ASAH1: variants seen among roughly 807,000 people sequenced by gnomAD.
ASAH1 encodes the protein acid ceramidase.
A neutral mutation model predicts 59.5 loss-of-function variants in ASAH1; 70 were observed. The observed-to-expected ratio is 1.18, with a 90% CI of 0.97 to 1.43. The LOEUF is 1.43. Ranked by LOEUF, ASAH1 falls within the 40% of genes most tolerant of loss-of-function variation. ASAH1 has a pLI of 0.00. For missense variants in ASAH1, 660 were observed against 482.5 expected, an observed-to-expected ratio of 1.37 and a Z score of -3.45; for synonymous variants, 213 against 166.5, an observed-to-expected ratio of 1.28 and a Z score of -2.15.
chr8:18,060,284 G>A (rs1316517488), intron 10 of ASAH1: 1 of 154,416 alleles, frequency 6.5e-6, no homozygotes, highest in African/African-American at 2.4e-5. Context: ...GAGCCACCAT[G>A]GCCAGCCACA....
At chr8:18,059,239 A>G in intron 12 of ASAH1, 102 bp downstream of exon 12, 1 of 1,569,028 alleles carries the variant, frequency 6.4e-7, no homozygotes, top group Non-Finnish European at 8.7e-7. Context: ...ACTATGAAAA[A>G]TAGGACGTTT....
At chr8:18,084,407 C>A, upstream of ASAH1, 1 of 1,395,732 alleles carries the variant, frequency 7.2e-7, no homozygotes, top group Non-Finnish European at 9.3e-7. Flanking sequence ...GGAGCTTCAC[C>A]CGTGGCGCCT....
intron 1 of ASAH1, chr8:18,076,257 G>A (rs34107400): frequency 0.1 from 15,840 of 154,420 alleles, 885 homozygotes; most frequent in African/African-American, 0.13. Flanking sequence ...TCTTCCATAT[G>A]AAAATATTCA....
At chr8:18,074,463 T>G (rs1028798144) in intron 2 of ASAH1, among the ~76,000 whole-genome samples, 6 of 152,174 alleles carry the variant, frequency 3.9e-5, no homozygotes, top group African/African-American at 1.4e-4. Context: ...ACAACAACAG[T>G]ACAACGTAAG....
At chr8:18,063,395 C>G (rs1026268148) in intron 6 of ASAH1, 165 bp from the exon 7 acceptor site, 10 of 678,278 alleles carry the variant, frequency 1.5e-5, no homozygotes, top group South Asian at 1.4e-4. Flanking sequence ...CCTCTGCCTC[C>G]CAGGTTCAAG....
rs1071645 is a variant in ASAH1 at position 18,071,302 on chromosome 8, C to T, written c.214G>A (p.Val72Met). 0.48 allele frequency: 743,279 copies of T among 1,553,802 alleles called. 182,271 individuals are homozygous for T. The highest frequency in any genetic ancestry group is 0.61 in the Admixed American group (35,639 of 58,476). ...WHELMLDKAP[V>M]LKVIVNSLKN... ...AAGATTTAAGCATCATAGCATACCA[C>T]TGGTGCCTTGTCAAGCATCAATTCA... Residue 72 changes from valine (V) to methionine (M), a missense_variant and splice_region_variant, in exon 3 of 14, where the codon GTG becomes ATG. Transcript: ENST00000637790.
At chr8:18,076,570 G>A (rs1469769703) in intron 1 of ASAH1, 15 of 152,148 alleles carry the variant, frequency 9.9e-5, no homozygotes, top group Admixed American at 9.8e-4. Flanking sequence ...CCTTTCCTCT[G>A]GAGAACCAGT....
chr8:18,080,313 G>A (rs938470995), intron 1 of ASAH1, among the ~76,000 whole-genome samples: 10 of 152,050 alleles, frequency 6.6e-5, no homozygotes, highest in African/African-American at 2.4e-4. Context: ...TTTCATCTTC[G>A]CACATCTTAT....
chr8:18,058,770 A>G, intron 13 of ASAH1, 65 bp downstream of exon 13: 1 of 1,376,952 alleles, frequency 7.3e-7, no homozygotes, highest in Non-Finnish European at 1.0e-6. Context: ...GATAACAGAG[A>G]AAGATAAAAC....
At position 18,062,243 on chromosome 8, in the gene ASAH1, G is replaced by T. The variant is rs753659692; in HGVS notation, c.648+36C>A. On this transcript the variant is annotated intron_variant, in intron 8 of 13. Transcript: ENST00000637790. ...TTACATAACGGTAACAGGACAGAAG[G>T]CTACCTGTATAATTATGTAACAACA... The T allele has an allele frequency of 5.0e-6, 8 of 1,613,416 alleles. No individual in the cohort carries two copies. In the African/African-American group the frequency reaches 9.3e-5, roughly 19 times the overall value.
chr8:18,061,122 A>G (rs7463934), intron 10 of ASAH1: 1 of 352,086 alleles, frequency 2.8e-6, no homozygotes, highest in Non-Finnish European at 5.3e-6. Flanking sequence ...TTTTTTCTGT[A>G]CACCAAAAAT....
In ASAH1 at chr8:18,069,814, A is replaced by G. The variant is rs775066577; in HGVS notation, c.281T>C (p.Met94Thr). ...INTFVPSGKI[M>T]QVVDEKLPGL... ...TACCAATTTTTCATCCACCACCTGCATAATTTTTCCACTTGGCACGAATGT... is the reference window on the plus strand; with the variant it reads ...TACCAATTTTTCATCCACCACCTGCGTAATTTTTCCACTTGGCACGAATGT... Residue 94 changes from methionine (M) to threonine (T), a missense_variant, in exon 4 of 14, where the codon ATG (methionine) becomes ACG (threonine). Physicochemically the swap from Met to Thr is moderately conservative, Grantham distance 81. Coordinates refer to ENST00000637790, the MANE Select transcript of ASAH1 (RefSeq NM_177924.5). 3.3e-5 allele frequency: 52 copies of G among 1,587,214 alleles called. No individual in the cohort carries two copies. In the South Asian group the frequency reaches 5.5e-4, roughly 17 times the overall value.
At position 18,062,996 on chromosome 8, in the gene ASAH1, A is replaced by T; in HGVS notation, c.503+189T>A. On this transcript the variant is annotated intron_variant, in intron 7 of 13. Transcript: ENST00000637790. ...AAAAAGTCTCTGCCTCAGGCTCCCA[A>T]GTAGCCGGGATTACAGATGCCCACC... 19 of 595,626 alleles carry T rather than the reference A, an allele frequency of 3.2e-5. No individual in the cohort carries two copies. The South Asian group carries it at 3.5e-4, about 11-fold the overall frequency. 36.9% of individuals were successfully genotyped at this position (595,626 alleles called of 1,614,324 possible).
intron 1 of ASAH1, among the ~76,000 whole-genome samples, chr8:18,079,248 G>A (rs1212271544): frequency 6.7e-6 from 1 of 150,278 alleles, no homozygotes; most frequent in East Asian, 1.9e-4. Context: ...ACTCCAGCCT[G>A]GGAGACAGAG....
intron 13 of ASAH1, chr8:18,058,476 A>G: frequency 8.5e-6 from 2 of 234,484 alleles, no homozygotes; most frequent in Non-Finnish European, 8.4e-6. Flanking sequence ...CGAACCCACC[A>G]AGACACAGAG....
chr8:18,077,280 T>C (rs554846552), intron 1 of ASAH1, among the ~76,000 whole-genome samples: 27 of 152,232 alleles, frequency 1.8e-4, no homozygotes, highest in Non-Finnish European at 5.9e-5. Context: ...AGGAATACTA[T>C]AATAAATAAC....
chr8:18,078,010 T>A (rs1482092117), intron 1 of ASAH1, among the ~76,000 whole-genome samples: 1 of 152,192 alleles, frequency 6.6e-6, no homozygotes, highest in Non-Finnish European at 1.5e-5. Context: ...GGTGACAGAA[T>A]CAGAGTCAAT....
intron 4 of ASAH1, 99 bp downstream of exon 4, chr8:18,069,693 C>A: frequency 1.2e-6 from 1 of 845,736 alleles, no homozygotes. Flanking sequence ...GCAGATTTGC[C>A]CAAGTCCCTG....
chr8:18,078,103 G>A (rs117989035), intron 1 of ASAH1, among the ~76,000 whole-genome samples: 40 of 152,106 alleles, frequency 2.6e-4, no homozygotes, highest in African/African-American at 6.3e-4. Context: ...AATAATCTGC[G>A]CGTAGTTCAG....
Sources: gnomAD v4.1 joint callset for allele counts (sites outside exome capture counted in the v4.1 genomes callset) on GRCh38, gnomAD v4.1.1 for gene constraint, MANE v1.5 for transcripts, NCBI Gene and HGNC (gene_info 2026-07-23, HGNC 2026-07-21) for gene names.